The following TMPRSS5 variants were observed in gnomAD, a reference collection of about 807,000 sequenced individuals.
TMPRSS5 encodes transmembrane protease serine 5.
A neutral mutation model predicts 59.7 loss-of-function variants in TMPRSS5; 45 were observed. The observed-to-expected ratio is 0.75, with a 90% CI of 0.59 to 0.97. The LOEUF (loss-of-function observed/expected upper bound fraction) is 0.97. TMPRSS5 is among the 50% of genes least tolerant of loss of function. TMPRSS5 has a pLI of 0.00. For synonymous variants in TMPRSS5, 225 were observed against 232.0 expected (o/e 0.97, Z 0.27); for missense variants, 585 against 596.7 (o/e 0.98, Z 0.20).
At chr11:113,691,045 C>G in intron 9 of TMPRSS5, 106 bp from the exon 10 acceptor site, 1 of 1,065,982 alleles carries the variant, frequency 9.4e-7, no homozygotes, top group Non-Finnish European at 1.4e-6. Context: ...GCCCCCTTCT[C>G]AAACAGTCCT....
At chr11:113,703,746 T>C (rs538818804) in intron 1 of TMPRSS5, among the ~76,000 whole-genome samples, 1 of 152,352 alleles carries the variant, frequency 6.6e-6, no homozygotes, top group South Asian at 2.1e-4. Context: ...GATGGTTTTA[T>C]AAGGGGATTT....
At chr11:113,699,782 C>A in intron 2 of TMPRSS5, 89 bp from the exon 3 acceptor site, 2 of 1,429,200 alleles carry the variant, frequency 1.4e-6, no homozygotes, top group Admixed American at 2.0e-5. Flanking sequence ...GGGCTAGGCA[C>A]CCACAGAGCT....
At chr11:113,700,343 C>T (rs1264363289) in intron 1 of TMPRSS5, among the ~76,000 whole-genome samples, 175 bp from the exon 2 acceptor site, 1 of 152,162 alleles carries the variant, frequency 6.6e-6, no homozygotes, top group Non-Finnish European at 1.5e-5. Flanking sequence ...TGCCAGGCTC[C>T]CCTGTGCCCT....
chr11:113,703,689 T>C (rs1461619736), intron 1 of TMPRSS5, among the ~76,000 whole-genome samples: 1 of 152,208 alleles, frequency 6.6e-6, no homozygotes, highest in Non-Finnish European at 1.5e-5. Context: ...ATGGGGGCAG[T>C]TCCCCTATGC....
At position 113,689,959 on chromosome 11, in the gene TMPRSS5, A is replaced by G. The variant is rs117893643; in HGVS notation, c.1207-42T>C. 5.2e-3 allele frequency: 7,741 copies of G among 1,501,800 alleles called. 35 individuals carry two copies. The highest frequency in any genetic ancestry group is 6.4e-3 in the Non-Finnish European group (7,163 of 1,119,722). The allele number at this position is 1,501,800 out of a possible 1,614,324, so 93.0% of individuals were successfully genotyped here. Reference sequence around the variant, plus strand: ...TGGAGACACAGAGAAACAGCCAGTTAGTTCTTCCTGATGGAGAGCACCAGA... The same window carrying G: ...TGGAGACACAGAGAAACAGCCAGTTGGTTCTTCCTGATGGAGAGCACCAGA... On this transcript the variant is annotated intron_variant, in intron 11 of 12. Coordinates refer to ENST00000299882, the MANE Select transcript of TMPRSS5 (RefSeq NM_030770.4).
In TMPRSS5 at chr11:113,694,656, G is replaced by A; in HGVS notation, c.623-16C>T. ...GCTCCACACTCTGCCAACAGAGATG[G>A]GTGAGATAGAAAGAGAGAGAGAGGT... On this transcript the variant is annotated splice_polypyrimidine_tract_variant and intron_variant, in intron 7 of 12. Coordinates refer to ENST00000299882, the MANE Select transcript of TMPRSS5 (RefSeq NM_030770.4). The A allele has an allele frequency of 6.5e-7, 1 of 1,532,288 alleles. No individual in the cohort carries two copies. The allele number at this position is 1,532,288 out of a possible 1,614,324, so 94.9% of individuals were successfully genotyped here. A position where few individuals can be genotyped will look rare whatever the true frequency, so the allele number is the denominator to read the frequency against.
intron 1 of TMPRSS5, 25 bp downstream of exon 1, chr11:113,706,197 G>C (rs1300214987): frequency 1.3e-6 from 2 of 1,595,012 alleles, no homozygotes; most frequent in African/African-American, 2.7e-5. Context: ...GCCACAGCAG[G>C]GATGGCACAG....
At chr11:113,694,257 A>C in intron 8 of TMPRSS5, 2 of 413,490 alleles carry the variant, frequency 4.8e-6, no homozygotes, top group Non-Finnish European at 8.4e-6. Flanking sequence ...AAAAAAAAAA[A>C]AAAAACTGAT....
At chr11:113,692,490 G>C (rs1292804299) in intron 9 of TMPRSS5, among the ~76,000 whole-genome samples, 3 of 152,176 alleles carry the variant, frequency 2.0e-5, no homozygotes, top group Non-Finnish European at 2.9e-5. Flanking sequence ...CCACATGCAC[G>C]TGTGTGTCGG....
intron 2 of TMPRSS5, 183 bp from the exon 3 acceptor site, chr11:113,699,876 G>C (rs1381665811): frequency 6.8e-7 from 1 of 1,473,798 alleles, no homozygotes; most frequent in East Asian, 2.5e-5. Context: ...CCTGATCACT[G>C]AAGCCCACAA....
Position 113,694,808 on chromosome 11 carries a change from A to G in TMPRSS5, c.623-168T>C, listed in dbSNP as rs1352258320. Among the ~76,000 whole-genome samples, 3 of 152,094 alleles carry G rather than the reference A, an allele frequency of 2.0e-5. 1 individual carries two copies. The South Asian group carries it at 6.2e-4, about 32-fold the overall frequency. On this transcript the variant is annotated intron_variant, in intron 7 of 12. Coordinates refer to ENST00000299882, the MANE Select transcript of TMPRSS5 (RefSeq NM_030770.4). ...GGGGGATGGGAAGGTAGAAGTGTTG[A>G]TTTCACCCCTGCCTGCCCCATCCAG...
In TMPRSS5 at chr11:113,693,215, G is replaced by A. The variant is rs1349567667; in HGVS notation, c.820C>T (p.His274Tyr). Residue 274 changes from histidine to tyrosine, a missense_variant, in exon 9 of 13, where the codon CAT becomes TAT. Transcript: ENST00000299882. ...RLARLSSWRV[H>Y]AGLVSHSAVR... ...GCACTGTGGCTGACCAGCCCCGCATGAACCCGCCAGCTGGACAGGCGGGCC... is the reference window on the plus strand; with the variant it reads ...GCACTGTGGCTGACCAGCCCCGCATAAACCCGCCAGCTGGACAGGCGGGCC... 6.3e-7 allele frequency: 1 copy of A among 1,584,158 alleles called. No individual in the cohort carries two copies. The highest frequency in any genetic ancestry group is 8.6e-7 in the Non-Finnish European group (1 of 1,163,736).
chr11:113,691,758 G>A (rs996600101), intron 9 of TMPRSS5, among the ~76,000 whole-genome samples: 11 of 150,308 alleles, frequency 7.3e-5, no homozygotes, highest in African/African-American at 2.4e-4. Flanking sequence ...AACTAAATAA[G>A]TATATTTAAA....
At chr11:113,689,967 C>T (rs1478535798) in intron 11 of TMPRSS5, 50 bp from the exon 12 acceptor site, 2 of 1,487,836 alleles carry the variant, frequency 1.3e-6, no homozygotes, top group East Asian at 2.5e-5. Context: ...TTAGTTCTTC[C>T]TGATGGAGAG....
chr11:113,699,258 T>TCTCTCTCC (rs1953038318), intron 3 of TMPRSS5, among the ~76,000 whole-genome samples: 6 of 51,826 alleles, frequency 1.2e-4, no homozygotes, highest in Admixed American at 4.4e-4. Context: ...TCTCTCTCTC[T>TCTCTCTCC]CTCTCTCTCT....
chr11:113,690,712 C>A, intron 10 of TMPRSS5, 129 bp downstream of exon 10: 1 of 918,842 alleles, frequency 1.1e-6, no homozygotes, highest in South Asian at 1.6e-5. Context: ...CTAGGCCTGA[C>A]CAAGGGTGAT....
intron 1 of TMPRSS5, 120 bp downstream of exon 1, chr11:113,706,102 C>G: frequency 8.1e-7 from 1 of 1,237,682 alleles, no homozygotes. Flanking sequence ...GATCCAGCCC[C>G]TGTACCAGAG....
chr11:113,689,074 T>C (rs1952683276), intron 12 of TMPRSS5, among the ~76,000 whole-genome samples: 1 of 152,086 alleles, frequency 6.6e-6, no homozygotes, highest in East Asian at 1.9e-4. Flanking sequence ...AATAACACGA[T>C]AGGCCGGGCA....
intron 3 of TMPRSS5, among the ~76,000 whole-genome samples, chr11:113,699,260 T>TCTCCCCCCCCCC (rs1565263673): frequency 2.8e-5 from 1 of 35,948 alleles, no homozygotes; most frequent in Non-Finnish European, 5.1e-5. Flanking sequence ...TCTCTCTCTC[T>TCTCCCCCCCCCC]CTCTCTCTCT....
Sources: allele counts gnomAD v4.1 joint callset (sites outside exome capture counted in the v4.1 genomes callset), GRCh38; gene constraint gnomAD v4.1.1; transcripts MANE v1.5; gene names NCBI Gene and HGNC (gene_info 2026-07-23, HGNC 2026-07-21).